Variants in TBK1 observed in about 807,000 individuals in gnomAD.
TBK1 encodes the protein serine/threonine-protein kinase TBK1.
A neutral mutation model predicts 99.9 loss-of-function variants in TBK1; 37 were observed. That is an observed-to-expected ratio of 0.37 (90% CI 0.28 to 0.49). The LOEUF is 0.49. Ranked by LOEUF, TBK1 falls within the 20% of genes least tolerant of loss-of-function variation. The probability of loss-of-function intolerance (pLI) is 0.98; values close to 1 mark genes in which losing one functional copy is unlikely to be tolerated. For synonymous variants in TBK1, 258 were observed against 279.8 expected, an observed-to-expected ratio of 0.92 and a Z score of 0.78; for missense variants, 644 against 872.5, an observed-to-expected ratio of 0.74 and a Z score of 3.30.
At chr12:64,476,810 A>C (rs1254454936) in intron 6 of TBK1, among the ~76,000 whole-genome samples, 3 of 152,166 alleles carry the variant, frequency 2.0e-5, no homozygotes, top group African/African-American at 7.2e-5. Flanking sequence ...GAGGTCTTAC[A>C]TTTAAGTCTT....
intron 6 of TBK1, among the ~76,000 whole-genome samples, chr12:64,478,193 C>T (rs1177031715): frequency 1.3e-5 from 2 of 152,130 alleles, no homozygotes; most frequent in African/African-American, 4.8e-5. Flanking sequence ...CTCTGTTGCC[C>T]ATGCAGGAGT....
chr12:64,481,907 G>A lies in TBK1; in HGVS notation c.878G>A (p.Trp293Ter). The A allele has an allele frequency of 1.2e-6, 2 of 1,611,086 alleles. No homozygotes were observed. Among genetic ancestry groups the A allele is most frequent in the African/African-American group, 1.3e-5 (1 of 74,766 alleles). ...NILEADQEKCWGFDQFFAETS... is the reference protein window; with the variant it reads ...NILEADQEKC ...CTTGAAGCAGATCAGGAAAAGTGTT[G>A]GGGTTTTGACCAGTTTTTTGCAGAA... The change falls in exon 8 of 21, where the codon TGG becomes TAG. Residue 293 changes from tryptophan to a stop codon, truncating the protein, a stop_gained. Coordinates refer to ENST00000331710, the MANE Select transcript of TBK1 (RefSeq NM_013254.4). LOFTEE classifies it high-confidence loss of function.
At chr12:64,470,542 G>GT (rs1565815733) in intron 5 of TBK1, among the ~76,000 whole-genome samples, 1 of 152,052 alleles carries the variant, frequency 6.6e-6, no homozygotes, top group African/African-American at 2.4e-5. Context: ...CTAACTAAAA[G>GT]TAAATTTAAA....
At chr12:64,489,664 G>A (rs1179526016) in intron 12 of TBK1, among the ~76,000 whole-genome samples, 1 of 150,638 alleles carries the variant, frequency 6.6e-6, no homozygotes, top group Non-Finnish European at 1.5e-5. Context: ...CGCCTCCCAG[G>A]TTCAAGCGAT....
At chr12:64,497,621 C>G in intron 18 of TBK1, 27 bp from the exon 19 acceptor site, 1 of 1,024,168 alleles carries the variant, frequency 9.8e-7, no homozygotes, top group Non-Finnish European at 1.4e-6. Context: ...GGGTTTTTTT[C>G]TTTTTTTTTT....
At chr12:64,452,326 CA>C (rs1371874307) in intron 1 of TBK1, 139 bp downstream of exon 1, 3 of 152,694 alleles carry the variant, frequency 2.0e-5, no homozygotes, top group African/African-American at 4.8e-5. Context: ...GGGGCGGGCG[CA>C]CCGAGAAGCC....
chr12:64,483,530 C>A (rs981211261), intron 8 of TBK1, among the ~76,000 whole-genome samples: 1 of 152,164 alleles, frequency 6.6e-6, no homozygotes. Context: ...TTAATCCTCA[C>A]AACAATTCTG....
At chr12:64,454,601 T>A (rs1159913184) in intron 1 of TBK1, among the ~76,000 whole-genome samples, 1 of 151,710 alleles carries the variant, frequency 6.6e-6, no homozygotes, top group Non-Finnish European at 1.5e-5. Context: ...TGAATGTATG[T>A]CATTGGTTAA....
At position 64,497,031 on chromosome 12, in the gene TBK1, A is replaced by G; in HGVS notation, c.1843A>G (p.Lys615Glu). The G allele has an allele frequency of 6.2e-7, 1 of 1,612,956 alleles. No homozygotes were observed. The highest frequency in any genetic ancestry group is 8.5e-7 in the Non-Finnish European group (1 of 1,179,256). ...TAAAAAGTATGAGGCATTTTTGAAT[A>G]AGTCAGAAGAATGGATAAGGTGAGT... The part of the protein sequence containing the change: ...CVKKYEAFLN[K>E]SEEWIRKMLH... Residue 615 changes from lysine (K) to glutamate (E), a missense_variant, in exon 17 of 21, where the codon AAG (lysine) becomes GAG (glutamate). Transcript: ENST00000331710.
At chr12:64,490,156 T>C (rs1405580006) in intron 13 of TBK1, 37 bp downstream of exon 13, 2 of 1,446,758 alleles carry the variant, frequency 1.4e-6, no homozygotes, top group Admixed American at 3.6e-5. Context: ...TGTAAGCTCA[T>C]AACCTATTCC....
rs375547018 is a variant in TBK1 at position 64,485,446 on chromosome 12, A to G, written c.1190-9A>G. 19 of 1,475,338 alleles carry G rather than the reference A, an allele frequency of 1.3e-5. No homozygotes were observed. The African/African-American group carries it at 2.2e-4, about 17-fold the overall frequency. The allele number at this position is 1,475,338 out of a possible 1,614,324, so 91.4% of individuals were successfully genotyped here. A position where few individuals can be genotyped will look rare whatever the true frequency, so the allele number is the denominator to read the frequency against. ...TTTCTTTCTCATTTTATTTTACTTC[A>G]TATTTCAGTTTCCCTCCCTAAAGTA... On this transcript the variant is annotated splice_polypyrimidine_tract_variant and intron_variant, in intron 9 of 20. Coordinates refer to ENST00000331710, the MANE Select transcript of TBK1 (RefSeq NM_013254.4).
intron 4 of TBK1, among the ~76,000 whole-genome samples, chr12:64,465,492 C>T (rs2040594285): frequency 7.9e-6 from 1 of 126,766 alleles, no homozygotes; most frequent in African/African-American, 3.3e-5. Flanking sequence ...CAGCATTATT[C>T]ATAATAGCAA....
At position 64,452,182 on chromosome 12, in the gene TBK1, G is replaced by C. The variant is rs900322218; in HGVS notation, c.-37G>C. The C allele has an allele frequency of 6.6e-6, 1 of 152,392 alleles. No homozygotes were observed. The highest frequency in any genetic ancestry group is 6.5e-5 in the Admixed American group (1 of 15,276). 9.4% of individuals were successfully genotyped at this position (152,392 alleles called of 1,614,324 possible). On this transcript the variant is annotated 5_prime_UTR_variant, in exon 1 of 21. Coordinates refer to ENST00000331710, the MANE Select transcript of TBK1 (RefSeq NM_013254.4). ...GCCGGCGGTGGCGCGGCGGAGACCC[G>C]GCTGGGTAAGTGAGACGGCCGCGGG...
intron 5 of TBK1, among the ~76,000 whole-genome samples, chr12:64,471,157 A>T (rs1047267632): frequency 1.3e-5 from 2 of 151,962 alleles, no homozygotes; most frequent in East Asian, 3.9e-4. Context: ...ACATTCTTCT[A>T]CTGTTTTTTG....
chr12:64,457,648 G>A lies in TBK1; in HGVS notation c.87+1691G>A, dbSNP rs969662739. ...GAAAGGAAGTAAAGTGGAAGCTGATGGGATGAGAGATAGTCAATAGTGATA... is the reference window on the plus strand; with the variant it reads ...GAAAGGAAGTAAAGTGGAAGCTGATAGGATGAGAGATAGTCAATAGTGATA... On this transcript the variant is annotated intron_variant, in intron 2 of 20. Transcript: ENST00000331710. Among the ~76,000 whole-genome samples, 7 of 152,180 alleles carry A rather than the reference G, an allele frequency of 4.6e-5. No homozygotes were observed. The South Asian group carries it at 1.5e-3, about 32-fold the overall frequency.
At position 64,484,486 on chromosome 12, in the gene TBK1, A is replaced by G. The variant is rs141806113; in HGVS notation, c.1176A>G (p.Leu392=). The G allele has an allele frequency of 3.6e-5, 58 of 1,594,148 alleles. No individual in the cohort carries two copies. In the African/African-American group the frequency reaches 5.8e-4, roughly 16 times the overall value. ...GGGAACCTCTGAATACCATAGGATT[A>G]ATATATGAAAAAAGTAAGTTGGGAT... The part of the protein sequence containing the change: ...VSREPLNTIG[L]IYEKISLPKV... Residue 392 remains leucine, a synonymous_variant, in exon 9 of 21, where the codon TTA becomes TTG. Coordinates refer to ENST00000331710, the MANE Select transcript of TBK1 (RefSeq NM_013254.4).
At chr12:64,484,779 C>T (rs1440304856) in intron 9 of TBK1, among the ~76,000 whole-genome samples, 2 of 151,924 alleles carry the variant, frequency 1.3e-5, no homozygotes, top group Non-Finnish European at 2.9e-5. Flanking sequence ...CAAAGTCTGT[C>T]ATTGTAGAAA....
chr12:64,494,116 A>G (rs2040900455), intron 13 of TBK1, among the ~76,000 whole-genome samples: 1 of 152,182 alleles, frequency 6.6e-6, no homozygotes, highest in Non-Finnish European at 1.5e-5. Context: ...CATTCTAAAC[A>G]TTAATGTTAA....
At position 64,474,343 on chromosome 12, in the gene TBK1, A is replaced by C; in HGVS notation, c.654A>C (p.Ser218=). The change falls in exon 6 of 21, where the codon TCA becomes TCC. Residue 218 remains serine (S), a synonymous_variant. Transcript: ENST00000331710. ...GVTFYHAATG[S]LPFRPFEGPR... The stretch of plus-strand genomic sequence containing the variant: ...CATTTTACCATGCAGCTACTGGATC[A>C]CTGCCATTTAGACCCTTTGAAGGGC... The C allele has an allele frequency of 6.2e-7, 1 of 1,614,124 alleles. No individual in the cohort carries two copies. The highest frequency in any genetic ancestry group is 8.5e-7 in the Non-Finnish European group (1 of 1,180,012).
Sources: gnomAD v4.1 joint callset for allele counts (sites outside exome capture counted in the v4.1 genomes callset) on GRCh38, gnomAD v4.1.1 for gene constraint, MANE v1.5 for transcripts, NCBI Gene and HGNC (gene_info 2026-07-23, HGNC 2026-07-21) for gene names.